Variants in INVS observed in about 807,000 individuals in gnomAD.
The protein encoded by INVS is inversion of embryo turning homolog.
A neutral mutation model predicts 108.8 loss-of-function variants in INVS; 86 were observed. That is an observed-to-expected ratio of 0.79 (90% CI 0.66 to 0.95). The LOEUF is 0.95. Among genes scored for constraint, INVS ranks in the 40% least tolerant of loss-of-function variants. The probability of loss-of-function intolerance (pLI) is 0.00; values close to 1 mark genes in which losing one functional copy is unlikely to be tolerated. For synonymous variants in INVS, 455 were observed against 473.5 expected (o/e 0.96, Z 0.51); for missense variants, 1,169 against 1,297.4 (o/e 0.90, Z 1.52).
At chr9:100,225,979 A>G in intron 3 of INVS, 83 bp from the exon 4 acceptor site, 2 of 935,386 alleles carry the variant, frequency 2.1e-6, no homozygotes, top group Non-Finnish European at 3.3e-6. Flanking sequence ...AGAATAATTA[A>G]CATACTTAAA....
chr9:100,187,525 C>CTTTTTTTTTTTTTTTTTTTTTTTTTTT (rs34728274), intron 3 of INVS, among the ~76,000 whole-genome samples: 1 of 105,540 alleles, frequency 9.5e-6, no homozygotes, highest in Non-Finnish European at 1.8e-5. Context: ...TCTATGATTT[C>CTTTTTTTTTTTTTTTTTTTTTTTTTTT]TTTTTTTTTT....
chr9:100,220,149 T>A (rs1452458265), intron 3 of INVS, among the ~76,000 whole-genome samples: 1 of 152,008 alleles, frequency 6.6e-6, no homozygotes, highest in African/African-American at 2.4e-5. Context: ...AAAAAAGGAG[T>A]TCATCTTAAG....
chr9:100,130,699 G>T (rs986474445), intron 3 of INVS: 2 of 152,112 alleles, frequency 1.3e-5, no homozygotes, highest in African/African-American at 4.8e-5. Context: ...GAATGCAGAA[G>T]TGTGCTATTT....
At chr9:100,174,645 A>G (rs1023625780) in intron 3 of INVS, among the ~76,000 whole-genome samples, 1 of 152,138 alleles carries the variant, frequency 6.6e-6, no homozygotes, top group Non-Finnish European at 1.5e-5. Flanking sequence ...CAGGCATGGT[A>G]GCTCATGCCT....
At chr9:100,233,499 TG>T (rs1156583329) in intron 5 of INVS, among the ~76,000 whole-genome samples, 1 of 152,218 alleles carries the variant, frequency 6.6e-6, no homozygotes, top group Non-Finnish European at 1.5e-5. Context: ...TGATATTGGC[TG>T]TGGGTTTGCC....
At chr9:100,249,706 C>G (rs954542124) in intron 8 of INVS, among the ~76,000 whole-genome samples, 4 of 150,684 alleles carry the variant, frequency 2.7e-5, no homozygotes, top group Non-Finnish European at 1.5e-5. Context: ...GTTGGCCAGG[C>G]TGGTCTTGAA....
chr9:100,272,788 A>G, intron 11 of INVS, 76 bp from the exon 12 acceptor site: 1 of 1,326,026 alleles, frequency 7.5e-7, no homozygotes, highest in African/African-American at 1.4e-5. Flanking sequence ...CTGCTGCATA[A>G]TAATATTTTC....
At chr9:100,224,170 G>T (rs546973653) in intron 3 of INVS, among the ~76,000 whole-genome samples, 117 of 152,354 alleles carry the variant, frequency 7.7e-4, no homozygotes, top group African/African-American at 2.5e-3. Flanking sequence ...GGACAAGCTT[G>T]CTGTAGAGCT....
chr9:100,160,999 A>G (rs1022463963), intron 3 of INVS, among the ~76,000 whole-genome samples: 4 of 150,648 alleles, frequency 2.7e-5, no homozygotes, highest in East Asian at 2.0e-4. Context: ...TTGTTTGTCA[A>G]TCATCCCACA....
At chr9:100,129,627 CA>C (rs750102927) in intron 3 of INVS, 16 of 625,516 alleles carry the variant, frequency 2.6e-5, no homozygotes, top group South Asian at 8.0e-5. Context: ...ATTTGCCTGT[CA>C]AAAAAATCTG....
intron 3 of INVS, among the ~76,000 whole-genome samples, chr9:100,193,789 G>T (rs935148344): frequency 3.3e-5 from 5 of 151,976 alleles, no homozygotes; most frequent in Non-Finnish European, 7.4e-5. Context: ...TATTATCATT[G>T]TTCAGTATTA....
At chr9:100,127,269 G>A (rs966645813) in intron 3 of INVS, among the ~76,000 whole-genome samples, 2 of 151,954 alleles carry the variant, frequency 1.3e-5, no homozygotes, top group Non-Finnish European at 2.9e-5. Context: ...GCATTAAGAA[G>A]CATAAAATAA....
chr9:100,121,159 C>G (rs1400896678), intron 2 of INVS, among the ~76,000 whole-genome samples: 2 of 152,174 alleles, frequency 1.3e-5, no homozygotes, highest in African/African-American at 2.4e-5. Context: ...ATTTCTACCT[C>G]GGACCTCTAG....
chr9:100,143,285 G>A (rs989080212), intron 3 of INVS, among the ~76,000 whole-genome samples: 8 of 152,262 alleles, frequency 5.3e-5, no homozygotes, highest in Non-Finnish European at 7.4e-5. Flanking sequence ...TTGATAAGGC[G>A]CAGATCCTGA....
chr9:100,286,724 C>G (rs1400368908), intron 13 of INVS, among the ~76,000 whole-genome samples: 2 of 152,152 alleles, frequency 1.3e-5, no homozygotes, highest in Non-Finnish European at 2.9e-5. Flanking sequence ...TCCTTGAGTT[C>G]TTTCTTAGCT....
At chr9:100,099,882 T>C (rs1826764960) in intron 1 of INVS, among the ~76,000 whole-genome samples, 1 of 152,284 alleles carries the variant, frequency 6.6e-6, no homozygotes, top group East Asian at 1.9e-4. Flanking sequence ...GGAGGCACAC[T>C]GTGCTTTTGT....
chr9:100,289,443 G>T (rs1470245224), intron 13 of INVS, among the ~76,000 whole-genome samples: 2 of 152,086 alleles, frequency 1.3e-5, no homozygotes, highest in African/African-American at 4.8e-5. Flanking sequence ...TATCTCTTGT[G>T]GCATAATAAA....
intron 11 of INVS, among the ~76,000 whole-genome samples, chr9:100,268,674 TTCTC>T (rs965331481): frequency 1.3e-5 from 2 of 152,214 alleles, no homozygotes; most frequent in Non-Finnish European, 2.9e-5. Context: ...TATTATGTTA[TTCTC>T]TCTACCTTTT....
intron 7 of INVS, among the ~76,000 whole-genome samples, chr9:100,245,995 T>G (rs926404468): frequency 6.6e-6 from 1 of 151,868 alleles, no homozygotes; most frequent in African/African-American, 2.4e-5. Context: ...TAAAACCCCA[T>G]CTCTACTAAT....
Sources: gnomAD v4.1 joint callset for allele counts (sites outside exome capture counted in the v4.1 genomes callset) on GRCh38, gnomAD v4.1.1 for gene constraint, MANE v1.5 for transcripts, NCBI Gene and HGNC (gene_info 2026-07-23, HGNC 2026-07-21) for gene names.